ANKIB1: variants seen among roughly 807,000 people sequenced by gnomAD.
ANKIB1 encodes the protein ankyrin repeat and IBR domain-containing protein 1.
A neutral mutation model predicts 122.1 loss-of-function variants in ANKIB1; 43 were observed. The ratio of observed to expected loss-of-function variants is 0.35; its 90% CI spans 0.28 to 0.45. ANKIB1 has a LOEUF of 0.45. Ranked by LOEUF, ANKIB1 falls within the 20% of genes least tolerant of loss-of-function variation. The pLI is 1.00. For missense variants in ANKIB1, 992 were observed against 1,329.5 expected (o/e 0.75, Z 3.95); for synonymous variants, 390 against 442.0 (o/e 0.88, Z 1.48).
chr7:92,310,879 G>C (rs1284328647), intron 3 of ANKIB1, among the ~76,000 whole-genome samples: 2 of 152,068 alleles, frequency 1.3e-5, no homozygotes, highest in African/African-American at 4.8e-5. Flanking sequence ...CTAAGGATGT[G>C]GAAACCACAG....
chr7:92,374,635 G>A (rs1340491527), intron 11 of ANKIB1, among the ~76,000 whole-genome samples: 1 of 152,088 alleles, frequency 6.6e-6, no homozygotes, highest in Non-Finnish European at 1.5e-5. Flanking sequence ...GAGGGCCATA[G>A]CTAAAGCAAT....
At chr7:92,271,431 A>G (rs1801788383) in intron 1 of ANKIB1, among the ~76,000 whole-genome samples, 1 of 152,096 alleles carries the variant, frequency 6.6e-6, no homozygotes, top group South Asian at 2.1e-4. Context: ...AAAATTTTTT[A>G]GTTATTCTAG....
intron 1 of ANKIB1, among the ~76,000 whole-genome samples, chr7:92,254,991 A>G (rs1345858652): frequency 2.6e-5 from 4 of 152,122 alleles, no homozygotes; most frequent in Admixed American, 1.3e-4. Context: ...TGATGGTTTT[A>G]AAAAGGGGAG....
At chr7:92,397,359 A>T (rs1052622170) in intron 18 of ANKIB1, among the ~76,000 whole-genome samples, 3 of 151,940 alleles carry the variant, frequency 2.0e-5, no homozygotes, top group African/African-American at 7.3e-5. Context: ...GGTGGTGCAC[A>T]TCTGTAGTCC....
intron 1 of ANKIB1, among the ~76,000 whole-genome samples, chr7:92,291,687 CTGCCG>C: frequency 1.3e-5 from 2 of 151,490 alleles, no homozygotes; most frequent in African/African-American, 4.8e-5. Flanking sequence ...ACCAATTCTC[CTGCCG>C]CAGCCGCCTG....
chr7:92,266,074 A>G (rs1801667036), intron 1 of ANKIB1, among the ~76,000 whole-genome samples: 1 of 152,200 alleles, frequency 6.6e-6, no homozygotes, highest in Admixed American at 6.5e-5. Flanking sequence ...GACACCAGAT[A>G]AATTCCATCA....
chr7:92,310,912 T>A (rs1162183989), intron 3 of ANKIB1, among the ~76,000 whole-genome samples: 1 of 152,190 alleles, frequency 6.6e-6, no homozygotes, highest in Non-Finnish European at 1.5e-5. Flanking sequence ...GACTATACAT[T>A]AAAATATGTG....
At chr7:92,356,250 G>A (rs753590259) in intron 9 of ANKIB1, among the ~76,000 whole-genome samples, 22 of 152,144 alleles carry the variant, frequency 1.4e-4, no homozygotes, top group Non-Finnish European at 5.9e-5. Context: ...AATAGATGAA[G>A]CAATCTGTAT....
Position 92,400,203 on chromosome 7 carries a change from G to T in ANKIB1, c.*1254G>T, listed in dbSNP as rs1804987490. ...TTTGTTTGCCTAACTAGCAAATGCT[G>T]ACATGTGTTTGTTCTACTGCGCAAT... On this transcript the variant is annotated 3_prime_UTR_variant, in exon 20 of 20. Transcript: ENST00000265742. 6.6e-6 allele frequency: 1 copy of T among 152,128 alleles called. No homozygotes were observed. The highest frequency in any genetic ancestry group is 2.1e-4 in the South Asian group (1 of 4,824). 9.4% of individuals were successfully genotyped at this position (152,128 alleles called of 1,614,324 possible). A position where few individuals can be genotyped will look rare whatever the true frequency, so the allele number is the denominator to read the frequency against.
intron 12 of ANKIB1, among the ~76,000 whole-genome samples, chr7:92,387,157 C>G (rs1441083056): frequency 2.0e-5 from 3 of 152,086 alleles, no homozygotes; most frequent in African/African-American, 2.4e-5. Flanking sequence ...CTCTGGTGCC[C>G]CTTCCTCTTC....
chr7:92,379,405 C>G (rs552822583), intron 11 of ANKIB1, among the ~76,000 whole-genome samples: 1 of 152,132 alleles, frequency 6.6e-6, no homozygotes, highest in East Asian at 1.9e-4. Flanking sequence ...AAAACTAATT[C>G]AGAAGTTATA....
intron 1 of ANKIB1, among the ~76,000 whole-genome samples, chr7:92,270,547 A>G (rs1801764516): frequency 6.6e-6 from 1 of 152,152 alleles, no homozygotes; most frequent in South Asian, 2.1e-4. Flanking sequence ...TAAAATGGAC[A>G]TATTTGGATA....
At chr7:92,310,780 A>G (rs1394724052) in intron 3 of ANKIB1, among the ~76,000 whole-genome samples, 1 of 152,232 alleles carries the variant, frequency 6.6e-6, no homozygotes, top group African/African-American at 2.4e-5. Flanking sequence ...ACAAGAAAAA[A>G]ACGTGGATGT....
chr7:92,376,522 C>G (rs1307522228), intron 11 of ANKIB1, among the ~76,000 whole-genome samples: 2 of 150,906 alleles, frequency 1.3e-5, no homozygotes, highest in African/African-American at 4.9e-5. Context: ...GATCTCAGCT[C>G]ACTGCAACCT....
chr7:92,390,206 G>T, intron 15 of ANKIB1, 90 bp downstream of exon 15: 10 of 935,136 alleles, frequency 1.1e-5, no homozygotes, highest in South Asian at 6.8e-5. Context: ...TATTTAATGT[G>T]GACATGATTA....
At position 92,386,637 on chromosome 7, in the gene ANKIB1, T is replaced by C. The variant is rs1272418516; in HGVS notation, c.1746T>C (p.Thr582=). The C allele has an allele frequency of 6.2e-7, 1 of 1,600,394 alleles. No individual in the cohort carries two copies. The highest frequency in any genetic ancestry group is 2.3e-5 in the East Asian group (1 of 44,196). Residue 582 remains threonine (T), a synonymous_variant, in exon 12 of 20, where the codon ACT becomes ACC. Coordinates refer to ENST00000265742, the MANE Select transcript of ANKIB1 (RefSeq NM_019004.2). ...QHVEEQSKEM[T]VEAEKKHKRF... ...TGGAGGAGCAATCCAAGGAAATGAC[T>C]GTGGAGGTAAAGAGAACCAATTAAG...
chr7:92,362,159 G>A (rs1803964489), intron 9 of ANKIB1, 26 bp from the exon 10 acceptor site: 7 of 1,559,890 alleles, frequency 4.5e-6, no homozygotes, highest in South Asian at 1.2e-5. Context: ...TTTTAAAATT[G>A]TCTTTTCTGT....
At position 92,398,499 on chromosome 7, in the gene ANKIB1, C is replaced by A. The variant is rs747114100; in HGVS notation, c.2820C>A (p.His940Gln). Residue 940 changes from histidine to glutamine, a missense_variant, in exon 20 of 20, where the codon CAC becomes CAA. Transcript: ENST00000265742. The stretch of plus-strand genomic sequence containing the variant: ...TTTCAACTGACACCCTGAGCTCACA[C>A]CCTCTCAGTGAGGCAAGAAGTGATT... The part of the protein sequence containing the change: ...DPFSTDTLSS[H>Q]PLSEARSDFC... 3 of 1,613,958 alleles carry A rather than the reference C, an allele frequency of 1.9e-6. No homozygotes were observed. In the South Asian group the frequency reaches 3.3e-5, roughly 18 times the overall value.
At chr7:92,266,750 G>A (rs936850096) in intron 1 of ANKIB1, among the ~76,000 whole-genome samples, 1 of 152,188 alleles carries the variant, frequency 6.6e-6, no homozygotes, top group African/African-American at 2.4e-5. Context: ...AGGATCCCAA[G>A]AGAAGTTGCC....
Sources: allele counts gnomAD v4.1 joint callset (sites outside exome capture counted in the v4.1 genomes callset), GRCh38; gene constraint gnomAD v4.1.1; transcripts MANE v1.5; gene names NCBI Gene and HGNC (gene_info 2026-07-23, HGNC 2026-07-21).